The following ASIC2 variants were observed in gnomAD, a reference collection of about 807,000 sequenced individuals.
ASIC2 encodes the protein acid sensing ion channel subunit 2.
A neutral mutation model predicts 57.3 loss-of-function variants in ASIC2; 25 were observed. The ratio of observed to expected loss-of-function variants is 0.44; its 90% confidence interval spans 0.32 to 0.61. ASIC2 has a LOEUF of 0.61. ASIC2 is among the 20% of genes least tolerant of loss of function. ASIC2 has a pLI of 0.06. For missense variants in ASIC2, 641 were observed against 738.1 expected (o/e 0.87, Z 1.52); for synonymous variants, 319 against 307.5 (o/e 1.04, Z -0.39).
intron 1 of ASIC2, among the ~76,000 whole-genome samples, chr17:33,756,402 T>C (rs901141577): frequency 3.9e-5 from 6 of 152,206 alleles, no homozygotes; most frequent in Admixed American, 6.5e-5. Context: ...AGCTTTAGGA[T>C]TAAGAGTTCA....
chr17:33,091,175 T>G (rs2092156090), intron 2 of ASIC2, among the ~76,000 whole-genome samples: 1 of 152,132 alleles, frequency 6.6e-6, no homozygotes, highest in Non-Finnish European at 1.5e-5. Flanking sequence ...TTTTTAGATC[T>G]GGGAGGAGGA....
At chr17:33,258,983 TGA>T (rs750962774) in intron 1 of ASIC2, among the ~76,000 whole-genome samples, 3 of 151,908 alleles carry the variant, frequency 2.0e-5, no homozygotes, top group Non-Finnish European at 2.9e-5. Flanking sequence ...TAAGGCATAG[TGA>T]GAGAGCGAGG....
chr17:33,491,737 G>A (rs1479094159), intron 1 of ASIC2, among the ~76,000 whole-genome samples: 1 of 152,152 alleles, frequency 6.6e-6, no homozygotes, highest in African/African-American at 2.4e-5. Context: ...CAGAAGCCTG[G>A]CCTGAAACTA....
At chr17:33,106,631 A>G (rs1455625947) in intron 2 of ASIC2, among the ~76,000 whole-genome samples, 2 of 152,166 alleles carry the variant, frequency 1.3e-5, no homozygotes. Context: ...TGCAACCACC[A>G]TCGGCCCAAC....
At chr17:33,278,047 AC>A (rs1904775892) in intron 1 of ASIC2, among the ~76,000 whole-genome samples, 1 of 152,050 alleles carries the variant, frequency 6.6e-6, no homozygotes, top group African/African-American at 2.4e-5. Context: ...GTTGGCTGTT[AC>A]CCTGTTTGGA....
chr17:33,278,820 C>T (rs1904821241), intron 1 of ASIC2, among the ~76,000 whole-genome samples: 1 of 151,854 alleles, frequency 6.6e-6, no homozygotes, highest in African/African-American at 2.4e-5. Flanking sequence ...AGACAGGGAA[C>T]TTGTCACTTA....
intron 1 of ASIC2, among the ~76,000 whole-genome samples, chr17:33,706,076 T>C (rs1003517898): frequency 6.6e-6 from 1 of 152,050 alleles, no homozygotes; most frequent in Non-Finnish European, 1.5e-5. Context: ...TACATATATA[T>C]GCACATGTAT....
chr17:33,654,953 G>C (rs1180744763), intron 1 of ASIC2, among the ~76,000 whole-genome samples: 1 of 152,118 alleles, frequency 6.6e-6, no homozygotes, highest in Non-Finnish European at 1.5e-5. Flanking sequence ...AACAGAATGA[G>C]ACCCATCTCT....
intron 1 of ASIC2, among the ~76,000 whole-genome samples, chr17:33,587,516 G>T (rs1304173046): frequency 6.6e-6 from 1 of 152,200 alleles, no homozygotes; most frequent in Non-Finnish European, 1.5e-5. Context: ...GCAAAAACTG[G>T]CTTTCACATG....
At chr17:34,099,142 GAGACAGAGAGAGAGAGAGAGAGAA>G (rs1420457096) in intron 1 of ASIC2, among the ~76,000 whole-genome samples, 40 of 20,872 alleles carry the variant, frequency 1.9e-3, no homozygotes, top group African/African-American at 4.3e-3. Flanking sequence ...GAGAGAGAGA[GAGACAGAGAGAGAGAGAGAGAGAA>G]AGAAAGAAAG....
chr17:33,965,380 T>A (rs956705786), intron 1 of ASIC2, among the ~76,000 whole-genome samples: 4 of 152,028 alleles, frequency 2.6e-5, no homozygotes, highest in Admixed American at 1.3e-4. Context: ...AGAATAAACA[T>A]GAAGCCACAC....
At chr17:33,342,324 ATGTGTGTGTGTACG>A (rs556470755) in intron 1 of ASIC2, among the ~76,000 whole-genome samples, 65 of 91,560 alleles carry the variant, frequency 7.1e-4, no homozygotes, top group East Asian at 2.2e-3. Context: ...GTGTGTGTAC[ATGTGTGTGTGTACG>A]TGTGTGTGTG....
intron 1 of ASIC2, among the ~76,000 whole-genome samples, chr17:33,213,706 C>G: frequency 6.6e-6 from 1 of 152,170 alleles, no homozygotes. Flanking sequence ...TTCTTTCCCC[C>G]TTTCCCCTTC....
chr17:33,885,606 C>A (rs1914810004), intron 1 of ASIC2, among the ~76,000 whole-genome samples: 1 of 152,108 alleles, frequency 6.6e-6, no homozygotes, highest in African/African-American at 2.4e-5. Flanking sequence ...GAGGTCACAC[C>A]ATCATAACTG....
At chr17:33,605,039 C>T (rs530791178) in intron 1 of ASIC2, among the ~76,000 whole-genome samples, 2 of 152,010 alleles carry the variant, frequency 1.3e-5, no homozygotes, top group Non-Finnish European at 2.9e-5. Flanking sequence ...CTCTCTCTCT[C>T]AAGTTCTGAG....
At chr17:33,942,730 G>C (rs1360955327) in intron 1 of ASIC2, among the ~76,000 whole-genome samples, 1 of 152,258 alleles carries the variant, frequency 6.6e-6, no homozygotes, top group South Asian at 2.1e-4. Flanking sequence ...GATGGTGTGT[G>C]TTGCTAAGAC....
intron 1 of ASIC2, among the ~76,000 whole-genome samples, chr17:34,108,451 T>C (rs1911146377): frequency 6.6e-6 from 1 of 152,204 alleles, no homozygotes; most frequent in Admixed American, 6.5e-5. Context: ...TTTACTTTTA[T>C]TGGTTTCAAA....
chr17:33,841,242 A>T (rs889624540), intron 1 of ASIC2, among the ~76,000 whole-genome samples: 1 of 152,256 alleles, frequency 6.6e-6, no homozygotes, highest in Non-Finnish European at 1.5e-5. Flanking sequence ...TTCTCTGGCA[A>T]GTCGGGGAAG....
intron 1 of ASIC2, among the ~76,000 whole-genome samples, chr17:33,586,811 C>A (rs75488038): frequency 0.017 from 2,527 of 152,334 alleles, 25 homozygotes; most frequent in Middle Eastern, 0.034. Context: ...ATGCTACTTA[C>A]ATCCAGCATT....
Sources: gnomAD v4.1 joint callset for allele counts (sites outside exome capture counted in the v4.1 genomes callset) on GRCh38, gnomAD v4.1.1 for gene constraint, MANE v1.5 for transcripts, NCBI Gene and HGNC (gene_info 2026-07-23, HGNC 2026-07-21) for gene names.